The following RIT2 variants were observed in gnomAD, a reference collection of about 807,000 sequenced individuals.
RIT2 encodes the protein GTP-binding protein Rit2.
Under a neutral mutation model 23.7 loss-of-function variants are expected in RIT2, and 24 were observed. That is an observed-to-expected ratio of 1.01 (90% CI 0.73 to 1.43). The LOEUF (loss-of-function observed/expected upper bound fraction) is 1.43, where lower values mean the gene tolerates loss of function less well. Among genes scored for constraint, RIT2 ranks in the 40% most tolerant of loss-of-function variants. The probability of loss-of-function intolerance (pLI) is 0.00; values close to 1 mark genes in which losing one functional copy is unlikely to be tolerated. For missense variants in RIT2, 236 were observed against 266.9 expected (o/e 0.88, Z 0.81); for synonymous variants, 107 against 91.1 (o/e 1.17, Z -0.99).
At chr18:42,743,963 C>T (rs1175519883) in intron 4 of RIT2, among the ~76,000 whole-genome samples, 1 of 152,104 alleles carries the variant, frequency 6.6e-6, no homozygotes, top group Non-Finnish European at 1.5e-5. Flanking sequence ...AATGGCAGGT[C>T]CTTGCCTTAA....
intron 4 of RIT2, among the ~76,000 whole-genome samples, chr18:42,826,334 G>T (rs1353292466): frequency 6.6e-6 from 1 of 151,968 alleles, no homozygotes; most frequent in Non-Finnish European, 1.5e-5. Context: ...TATGAACATC[G>T]GGATTGTTAG....
At chr18:42,938,209 T>C (rs531588670) in intron 3 of RIT2, among the ~76,000 whole-genome samples, 1 of 152,236 alleles carries the variant, frequency 6.6e-6, no homozygotes, top group South Asian at 2.1e-4. Context: ...TAAAATAGTA[T>C]TGAGTGTGGC....
chr18:42,804,497 G>C (rs1244530934), intron 4 of RIT2, among the ~76,000 whole-genome samples: 1 of 145,638 alleles, frequency 6.9e-6, no homozygotes, highest in Middle Eastern at 3.6e-3. Flanking sequence ...GGAGATTGCA[G>C]TGAGCTGAGA....
chr18:42,825,496 ATTGT>A (rs559677396), intron 4 of RIT2, among the ~76,000 whole-genome samples: 147 of 152,026 alleles, frequency 9.7e-4, no homozygotes, highest in Non-Finnish European at 1.4e-3. Context: ...TAAAGTATAC[ATTGT>A]TTGAGTACTA....
At chr18:42,779,477 GC>G (rs1387419317) in intron 4 of RIT2, among the ~76,000 whole-genome samples, 1 of 152,062 alleles carries the variant, frequency 6.6e-6, no homozygotes, top group Non-Finnish European at 1.5e-5. Context: ...AAATCTCCCA[GC>G]TTTTTTTGCA....
intron 4 of RIT2, among the ~76,000 whole-genome samples, chr18:42,840,849 T>C (rs8088908): frequency 0.14 from 22,047 of 152,106 alleles, 1,675 homozygotes; most frequent in Middle Eastern, 0.26. Context: ...CTAAATGGGG[T>C]ATCTATGGCT....
chr18:42,887,848 T>C lies in RIT2; in HGVS notation c.426+35724A>G, dbSNP rs563796842. Among the ~76,000 whole-genome samples the C allele has an allele frequency of 3.3e-5, 5 of 152,286 alleles. No homozygotes were observed. The South Asian group carries it at 1.0e-3, about 32-fold the overall frequency. ...CATCAAAAAGAAATGAGCTATTAAGTTGTCAGAAGACATGGAAGAAGCTTA... is the reference window on the plus strand; with the variant it reads ...CATCAAAAAGAAATGAGCTATTAAGCTGTCAGAAGACATGGAAGAAGCTTA... On this transcript the variant is annotated intron_variant, in intron 4 of 4. Transcript: ENST00000326695.
intron 3 of RIT2, among the ~76,000 whole-genome samples, chr18:42,954,680 T>G (rs1039196299): frequency 3.9e-5 from 6 of 152,114 alleles, no homozygotes; most frequent in African/African-American, 1.4e-4. Context: ...TTTTAAATTT[T>G]TTAAGGTCTG....
At chr18:42,991,331 C>T (rs1910842869) in intron 2 of RIT2, among the ~76,000 whole-genome samples, 2 of 152,192 alleles carry the variant, frequency 1.3e-5, no homozygotes, top group African/African-American at 4.8e-5. Context: ...AACACACTCC[C>T]ATACACAGTG....
At chr18:42,980,836 A>G (rs776342861) in intron 2 of RIT2, among the ~76,000 whole-genome samples, 13 of 152,116 alleles carry the variant, frequency 8.5e-5, no homozygotes, top group Non-Finnish European at 1.8e-4. Flanking sequence ...ATGGAGATGT[A>G]TTTGATAAGG....
chr18:43,089,395 A>G (rs1198860278), intron 1 of RIT2, among the ~76,000 whole-genome samples: 1 of 152,094 alleles, frequency 6.6e-6, no homozygotes, highest in East Asian at 1.9e-4. Flanking sequence ...CTACAATGAG[A>G]ACTACAAAAC....
rs1190283452 is a variant in RIT2, at chr18:42,785,653, A to G, written c.427-41933T>C. 2.0e-5 allele frequency among the ~76,000 whole-genome samples: 3 copies of G among 152,138 alleles called. No homozygotes were observed. In the South Asian group the frequency reaches 6.2e-4, roughly 32 times the overall value. ...GAGGGATAGTTTTGTATTTGAGCAT[A>G]TGTGGAACTCATCCTCCTTGTGTGT... On this transcript the variant is annotated intron_variant, in intron 4 of 4. Transcript: ENST00000326695.
chr18:42,784,016 T>G (rs917030301), intron 4 of RIT2, among the ~76,000 whole-genome samples: 3 of 152,052 alleles, frequency 2.0e-5, no homozygotes, highest in Non-Finnish European at 2.9e-5. Flanking sequence ...GAAGACATTT[T>G]CAAAGAATTA....
At chr18:42,834,909 A>C (rs1906555575) in intron 4 of RIT2, among the ~76,000 whole-genome samples, 1 of 152,290 alleles carries the variant, frequency 6.6e-6, no homozygotes, top group Middle Eastern at 3.4e-3. Context: ...TAGTCTCATA[A>C]CAGACATGAT....
At chr18:42,996,210 C>T (rs568033164) in intron 2 of RIT2, among the ~76,000 whole-genome samples, 1 of 152,128 alleles carries the variant, frequency 6.6e-6, no homozygotes, top group South Asian at 2.1e-4. Flanking sequence ...AATATCACCC[C>T]TTACCATAAA....
At chr18:43,013,556 G>A (rs1277635473) in intron 2 of RIT2, among the ~76,000 whole-genome samples, 2 of 151,798 alleles carry the variant, frequency 1.3e-5, no homozygotes, top group East Asian at 3.9e-4. Context: ...ATCATTTGGG[G>A]CCGAGATTAC....
At chr18:42,923,504 C>A in intron 4 of RIT2, 68 bp downstream of exon 4, 2 of 1,272,698 alleles carry the variant, frequency 1.6e-6, no homozygotes, top group Non-Finnish European at 2.2e-6. Context: ...CCTGGGAAAG[C>A]AGCCATATTT....
At chr18:42,816,269 A>G (rs1905995818) in intron 4 of RIT2, among the ~76,000 whole-genome samples, 1 of 152,148 alleles carries the variant, frequency 6.6e-6, no homozygotes, top group Admixed American at 6.5e-5. Context: ...CTTGTGCACA[A>G]TTGGCTCTTG....
intron 4 of RIT2, among the ~76,000 whole-genome samples, chr18:42,827,816 T>C (rs1191665370): frequency 6.6e-6 from 1 of 151,560 alleles, no homozygotes; most frequent in Non-Finnish European, 1.5e-5. Context: ...CCATCCTGGC[T>C]AACACGGTGA....
Sources: allele counts gnomAD v4.1 joint callset (sites outside exome capture counted in the v4.1 genomes callset), GRCh38; gene constraint gnomAD v4.1.1; transcripts MANE v1.5; gene names NCBI Gene and HGNC (gene_info 2026-07-23, HGNC 2026-07-21).